Variants in SMG6 observed in about 807,000 individuals in gnomAD.
SMG6 encodes the protein SMG6 nonsense mediated mRNA decay factor.
A neutral mutation model predicts 142.2 loss-of-function variants in SMG6; 66 were observed. That is an observed-to-expected ratio of 0.46 (90% CI 0.38 to 0.57). The LOEUF is 0.57. SMG6 is among the 20% of genes least tolerant of loss of function. SMG6 has a pLI of 0.00. For missense variants in SMG6, 1,793 were observed against 1,832.0 expected (o/e 0.98, Z 0.39); for synonymous variants, 779 against 702.4 (o/e 1.11, Z -1.72).
intron 10 of SMG6, among the ~76,000 whole-genome samples, chr17:2,194,427 A>C (rs2072255228): frequency 1.3e-5 from 2 of 152,360 alleles, no homozygotes; most frequent in East Asian, 3.9e-4. Flanking sequence ...ACTTGTTTGA[A>C]GCAAGCGAAA....
chr17:2,147,943 A>G (rs2070717557), intron 13 of SMG6, among the ~76,000 whole-genome samples: 1 of 152,018 alleles, frequency 6.6e-6, no homozygotes, highest in Non-Finnish European at 1.5e-5. Flanking sequence ...CTTAAATCCC[A>G]GTGCTTTGGG....
intron 12 of SMG6, among the ~76,000 whole-genome samples, chr17:2,183,997 T>C (rs900228997): frequency 1.3e-5 from 2 of 151,988 alleles, no homozygotes; most frequent in East Asian, 3.9e-4. Context: ...AACACAGACA[T>C]TCAGGAACAC....
At chr17:2,218,478 A>G (rs779090746) in intron 10 of SMG6, among the ~76,000 whole-genome samples, 44 of 152,142 alleles carry the variant, frequency 2.9e-4, no homozygotes, top group Non-Finnish European at 6.0e-4. Flanking sequence ...ACCCAGGGGC[A>G]GAGCTTGCAG....
chr17:2,179,352 T>C (rs1225454120), intron 12 of SMG6, among the ~76,000 whole-genome samples: 1 of 152,194 alleles, frequency 6.6e-6, no homozygotes, highest in Non-Finnish European at 1.5e-5. Flanking sequence ...AGAGCTGCCC[T>C]ATGAAGGTGA....
chr17:2,292,763 G>A, intron 5 of SMG6, 108 bp downstream of exon 5: 1 of 1,368,650 alleles, frequency 7.3e-7, no homozygotes, highest in Non-Finnish European at 1.0e-6. Flanking sequence ...CATGACTACA[G>A]GGACCAATAG....
chr17:2,292,787 A>G (rs925367234), intron 5 of SMG6, 84 bp downstream of exon 5: 1 of 1,406,322 alleles, frequency 7.1e-7, no homozygotes, highest in African/African-American at 1.4e-5. Context: ...CACCTGTACA[A>G]CACCCACATG....
intron 8 of SMG6, among the ~76,000 whole-genome samples, chr17:2,250,542 C>A (rs1230880928): frequency 1.3e-5 from 2 of 152,012 alleles, no homozygotes; most frequent in African/African-American, 4.8e-5. Context: ...CACACACAAT[C>A]ATGCCTGGCT....
At position 2,124,842 on chromosome 17, in the gene SMG6, G is replaced by A. The variant is rs564917442; in HGVS notation, c.3358-38941C>T. Reference sequence around the variant, plus strand: ...TTATTCTTTATTTTTTGTTTCTAACGTGCAGGCATCTCTTAGACTGCTGAC... The same window carrying A: ...TTATTCTTTATTTTTTGTTTCTAACATGCAGGCATCTCTTAGACTGCTGAC... On this transcript the variant is annotated intron_variant, in intron 13 of 18. Coordinates refer to ENST00000263073, the MANE Select transcript of SMG6 (RefSeq NM_017575.5). Among the ~76,000 whole-genome samples, 6 of 152,144 alleles carry A rather than the reference G, an allele frequency of 3.9e-5. No individual in the cohort carries two copies. The South Asian group carries it at 1.0e-3, about 26-fold the overall frequency.
chr17:2,300,096 C>T lies in SMG6; in HGVS notation c.657G>A (p.Arg219=). ...VGAAKGEKGK[R]MGKGEGVRET... is the part of the protein sequence containing the mutation. ...CCCTCACCCCCTCCCCTTTTCCCAT[C>T]CTCTTTCCTTTTTCTCCTTTTGCAG... The change falls in exon 2 of 19, where the codon AGG becomes AGA. Residue 219 remains arginine, a synonymous_variant. Transcript: ENST00000263073. 1 of 1,614,150 alleles carries T rather than the reference C, an allele frequency of 6.2e-7. No homozygotes were observed. The highest frequency in any genetic ancestry group is 1.1e-5 in the South Asian group (1 of 91,082).
At chr17:2,121,178 CAT>C (rs1158440191) in intron 13 of SMG6, among the ~76,000 whole-genome samples, 1 of 152,220 alleles carries the variant, frequency 6.6e-6, no homozygotes, top group African/African-American at 2.4e-5. Context: ...AGTGAAAACA[CAT>C]GTCCAAAAAC....
rs570420945 is a variant in SMG6, at chr17:2,099,232, AAC to A, written c.3358-13333_3358-13332del. Among the ~76,000 whole-genome samples, 97 of 152,156 alleles carry A rather than the reference AAC, an allele frequency of 6.4e-4. 1 individual carries two copies. The South Asian group carries it at 0.02, about 31-fold the overall frequency. On this transcript the variant is annotated intron_variant, in intron 13 of 18. Transcript: ENST00000263073. ...TCAATCATGCTCCCCGAAGCTGTGC[AAC>A]ACAGACACCTGGACACACTCGGAGA... is the stretch of plus-strand genomic sequence containing the variant.
intron 13 of SMG6, among the ~76,000 whole-genome samples, chr17:2,129,132 G>A (rs2070014846): frequency 6.6e-6 from 1 of 152,102 alleles, no homozygotes; most frequent in Non-Finnish European, 1.5e-5. Flanking sequence ...CGGATCGCTT[G>A]AGCCCAGGAT....
At chr17:2,303,021 A>C (rs2075319142) in intron 1 of SMG6, 2 of 985,338 alleles carry the variant, frequency 2.0e-6, no homozygotes, top group Admixed American at 1.2e-4. Context: ...TACTTTCCTG[A>C]CGTGGCTGGA....
intron 4 of SMG6, among the ~76,000 whole-genome samples, chr17:2,296,653 G>A (rs1053215339): frequency 2.0e-5 from 3 of 152,122 alleles, no homozygotes; most frequent in Non-Finnish European, 4.4e-5. Flanking sequence ...CAACATCTCC[G>A]TCCATGGAAA....
chr17:2,065,185 T>C, intron 17 of SMG6, 31 bp from the exon 18 acceptor site: 1 of 1,570,092 alleles, frequency 6.4e-7, no homozygotes, highest in South Asian at 1.1e-5. Flanking sequence ...GAAGCACCAC[T>C]GGGCAGAAGG....
At chr17:2,268,444 C>T (rs758733665) in intron 8 of SMG6, among the ~76,000 whole-genome samples, 5 of 152,160 alleles carry the variant, frequency 3.3e-5, no homozygotes, top group African/African-American at 4.8e-5. Flanking sequence ...GCACAAACTA[C>T]GCAAGGGGCA....
At position 2,298,840 on chromosome 17, in the gene SMG6, C is replaced by T. The variant is rs1281002832; in HGVS notation, c.1847+66G>A. 4 of 1,478,134 alleles carry T rather than the reference C, an allele frequency of 2.7e-6. No individual in the cohort carries two copies. The African/African-American group carries it at 5.6e-5, about 21-fold the overall frequency. 91.6% of individuals were successfully genotyped at this position (1,478,134 alleles called of 1,614,324 possible). A position where few individuals can be genotyped will look rare whatever the true frequency, so the allele number is the denominator to read the frequency against. ...GCTAAAAAGTTTCTACCTTCCTCAG[C>T]CATAGCAATCTATACACCTCCGGCT... is the stretch of plus-strand genomic sequence containing the variant. On this transcript the variant is annotated intron_variant, in intron 2 of 18. Coordinates refer to ENST00000263073, the MANE Select transcript of SMG6 (RefSeq NM_017575.5).
chr17:2,161,295 G>C (rs2071169927), intron 13 of SMG6, among the ~76,000 whole-genome samples: 1 of 151,766 alleles, frequency 6.6e-6, no homozygotes. Context: ...GTAGAGATGG[G>C]GTTTCATCAT....
rs183373245 is a variant in SMG6, at chr17:2,238,253, C to G, written c.2724-1616G>C. On this transcript the variant is annotated intron_variant, in intron 9 of 18. Coordinates refer to ENST00000263073, the MANE Select transcript of SMG6 (RefSeq NM_017575.5). ...ACAGTTTACATTCCAGTTCCCTCCT[C>G]TGCTGAGCTGTCCTCATTTTCATTG... Among the ~76,000 whole-genome samples, 309 of 152,342 alleles carry G rather than the reference C, an allele frequency of 2.0e-3. 2 individuals carry two copies. Among genetic ancestry groups the G allele is most frequent in the African/African-American group, 5.2e-3 (217 of 41,584 alleles).
Sources: gnomAD v4.1 joint callset for allele counts (sites outside exome capture counted in the v4.1 genomes callset) on GRCh38, gnomAD v4.1.1 for gene constraint, MANE v1.5 for transcripts, NCBI Gene and HGNC (gene_info 2026-07-23, HGNC 2026-07-21) for gene names.